The following CTR9 variants were observed in gnomAD, a reference collection of about 807,000 sequenced individuals.
CTR9 encodes the protein CTR9 component of Paf1/RNA polymerase II complex, also known as RNA polymerase-associated protein CTR9 homolog.
In CTR9, 41 loss-of-function variants were observed where a neutral mutation model predicts 152.1. That is an observed-to-expected ratio of 0.27 (90% confidence interval 0.21 to 0.35). CTR9 has a LOEUF of 0.35. CTR9 is among the 10% of genes least tolerant of loss of function. CTR9 has a pLI of 1.00. For missense variants in CTR9, 917 were observed against 1,424.4 expected, an observed-to-expected ratio of 0.64 and a Z score of 5.73; for synonymous variants, 476 against 496.2, an observed-to-expected ratio of 0.96 and a Z score of 0.54.
intron 22 of CTR9, among the ~76,000 whole-genome samples, 190 bp from the exon 23 acceptor site, chr11:10,775,017 G>C (rs1023888897): frequency 6.6e-6 from 1 of 152,142 alleles, no homozygotes; most frequent in South Asian, 2.1e-4. Flanking sequence ...TAAATACATA[G>C]TTTTTACATT....
In CTR9 at chr11:10,775,223, G is replaced by A. The variant is rs1863212830; in HGVS notation, c.2902G>A (p.Glu968Lys). The A allele has an allele frequency of 6.2e-7, 1 of 1,613,830 alleles. No individual in the cohort carries two copies. Among genetic ancestry groups the A allele is most frequent in the East Asian group, 2.2e-5 (1 of 44,850 alleles). The change falls in exon 23 of 25, where the codon GAA (glutamate) becomes AAA (lysine). Residue 968 changes from glutamate to lysine, a missense_variant. Glu to Lys is a moderately conservative substitution (Grantham distance 56). This residue lies in a region of CTR9 where 384 missense variants were observed against 398.4 expected (regional missense o/e 0.96). Coordinates refer to ENST00000361367, the MANE Select transcript of CTR9 (RefSeq NM_014633.5). ...CTATTTAAGACATCCAAAGGGAGAA[G>A]AAGGATCTGATGATGATGAAACAGA... The part of the protein sequence containing the change: ...KKRRRHPKGE[E>K]GSDDDETENG...
At chr11:10,778,608 C>A in intron 24 of CTR9, 71 bp from the exon 25 acceptor site, 1 of 1,420,554 alleles carries the variant, frequency 7.0e-7, no homozygotes, top group Non-Finnish European at 9.6e-7. Flanking sequence ...GTTTTAAAAG[C>A]ACATTGTCTG....
At position 10,775,231 on chromosome 11, in the gene CTR9, T is replaced by C; in HGVS notation, c.2910T>C (p.Ser970=). Residue 970 remains serine (S), a synonymous_variant, in exon 23 of 25, where the codon TCT becomes TCC. Coordinates refer to ENST00000361367, the MANE Select transcript of CTR9 (RefSeq NM_014633.5). ...RRRHPKGEEG[S]DDDETENGPK... ...GACATCCAAAGGGAGAAGAAGGATC[T>C]GATGATGATGAAACAGAAAATGGCC... The C allele has an allele frequency of 6.2e-7, 1 of 1,613,770 alleles. No individual in the cohort carries two copies. The highest frequency in any genetic ancestry group is 8.5e-7 in the Non-Finnish European group (1 of 1,179,822).
Position 10,760,227 on chromosome 11 carries a change from A to G in CTR9, c.647A>G (p.Lys216Arg). Residue 216 changes from lysine (K) to arginine (R), a missense_variant, in exon 6 of 25, where the codon AAA becomes AGA. Lys to Arg is a conservative substitution (Grantham distance 26). Around this residue, in one of 9 missense-constraint regions of CTR9, gnomAD observed 110 missense variants for 149.5 expected, o/e 0.74. Transcript: ENST00000361367. ...TTTGTGAAACTTAACAAACTGGAAA[A>G]AGCTCGTCTGGCATTCAGCAGAGCC... The part of the protein sequence containing the change: ...HCFVKLNKLE[K>R]ARLAFSRALE... 3 of 1,614,106 alleles carry G rather than the reference A, an allele frequency of 1.9e-6. 1 individual carries two copies. Among genetic ancestry groups the G allele is most frequent in the South Asian group, 1.1e-5 (1 of 91,076 alleles).
At chr11:10,775,479 T>C in intron 23 of CTR9, 42 bp from the exon 24 acceptor site, 2 of 1,529,696 alleles carry the variant, frequency 1.3e-6, no homozygotes, top group Non-Finnish European at 1.8e-6. Context: ...GATGGCCTAA[T>C]GTAAGAGTCT....
chr11:10,772,184 C>T (rs1034522758), intron 19 of CTR9, among the ~76,000 whole-genome samples: 4 of 151,846 alleles, frequency 2.6e-5, no homozygotes, highest in Admixed American at 2.0e-4. Flanking sequence ...GGAGAAACTC[C>T]GTCTCTACTA....
At chr11:10,773,695 T>C (rs1337496338) in intron 21 of CTR9, among the ~76,000 whole-genome samples, 2 of 151,860 alleles carry the variant, frequency 1.3e-5, no homozygotes, top group African/African-American at 4.8e-5. Flanking sequence ...TGAGACCAGT[T>C]TGGCCAACAT....
At chr11:10,766,575 C>A (rs1255983343) in intron 13 of CTR9, 85 bp downstream of exon 13, 1 of 919,844 alleles carries the variant, frequency 1.1e-6, no homozygotes. Context: ...TTAATGGCTA[C>A]ATCTTCCTGG....
Position 10,756,851 on chromosome 11 carries a change from T to C in CTR9, c.592+13T>C. The C allele has an allele frequency of 7.7e-6, 12 of 1,555,536 alleles. No homozygotes were observed. Among genetic ancestry groups the C allele is most frequent in the South Asian group, 1.1e-5 (1 of 89,318 alleles). On this transcript the variant is annotated intron_variant, in intron 5 of 24. Coordinates refer to ENST00000361367, the MANE Select transcript of CTR9 (RefSeq NM_014633.5). ...CCAGGATGTCCAGGTAAGAGAAAAA[T>C]TTTATTTTATGTCTAAACTGTGTAT...
At chr11:10,765,955 T>C (rs930300589) in intron 12 of CTR9, among the ~76,000 whole-genome samples, 5 of 152,262 alleles carry the variant, frequency 3.3e-5, no homozygotes, top group African/African-American at 4.8e-5. Flanking sequence ...AGCACTTCAC[T>C]ATTAATTAAT....
At position 10,763,865 on chromosome 11, in the gene CTR9, C is replaced by G; in HGVS notation, c.1180C>G (p.Arg394Gly). The G allele has an allele frequency of 6.2e-7, 1 of 1,603,938 alleles. No individual in the cohort carries two copies. The highest frequency in any genetic ancestry group is 8.5e-7 in the Non-Finnish European group (1 of 1,176,402). ...TGCTGCCTCAGAAGATCAAGAAAAACGAGATATTGCCAAGGTACATCTTTT... is the reference window on the plus strand; with the variant it reads ...TGCTGCCTCAGAAGATCAAGAAAAAGGAGATATTGCCAAGGTACATCTTTT... ...LYAASEDQEK[R>G]DIAKGHLKKV... The change falls in exon 9 of 25, where the codon CGA (arginine) becomes GGA (glycine). Residue 394 changes from arginine to glycine, a missense_variant. Arg to Gly is a moderately radical substitution (Grantham distance 125, BLOSUM62 -2). Coordinates refer to ENST00000361367, the MANE Select transcript of CTR9 (RefSeq NM_014633.5).
chr11:10,758,191 T>C (rs183842527), intron 5 of CTR9, among the ~76,000 whole-genome samples: 1 of 152,154 alleles, frequency 6.6e-6, no homozygotes, highest in African/African-American at 2.4e-5. Flanking sequence ...TCGACAGAGA[T>C]GGGAAGCCAT....
At chr11:10,753,368 G>A (rs934405276) in intron 2 of CTR9, among the ~76,000 whole-genome samples, 9 of 151,974 alleles carry the variant, frequency 5.9e-5, no homozygotes, top group African/African-American at 2.2e-4. Flanking sequence ...TCTTTTTATA[G>A]GAATAGGTAA....
chr11:10,771,488 C>CT, intron 18 of CTR9, 57 bp from the exon 19 acceptor site: 1 of 1,288,168 alleles, frequency 7.8e-7, no homozygotes. Flanking sequence ...TTTTTAAGAG[C>CT]TTTATTTCAT....
chr11:10,755,442 G>A (rs541012548), intron 3 of CTR9, among the ~76,000 whole-genome samples: 2 of 152,294 alleles, frequency 1.3e-5, no homozygotes, highest in Admixed American at 6.5e-5. Context: ...TGAATTTCAA[G>A]GATATTTTAA....
At chr11:10,752,956 TG>T (rs1862829050) in intron 2 of CTR9, among the ~76,000 whole-genome samples, 186 bp downstream of exon 2, 1 of 152,216 alleles carries the variant, frequency 6.6e-6, no homozygotes, top group African/African-American at 2.4e-5. Flanking sequence ...GCTGCTCTAC[TG>T]GTGAATTAGT....
rs752405150 is a variant in CTR9 at position 10,751,407 on chromosome 11, C to G, written c.-6C>G. On this transcript the variant is annotated 5_prime_UTR_variant, in exon 1 of 25. Transcript: ENST00000361367. ...GCGAGACACTTGCTCGCCTTTTGAC[C>G]CCATCATGTCGCGGGGCTCCATCGA... is the stretch of plus-strand genomic sequence containing the variant. 21 of 1,613,038 alleles carry G rather than the reference C, an allele frequency of 1.3e-5. No homozygotes were observed. The highest frequency in any genetic ancestry group is 3.4e-6 in the Non-Finnish European group (4 of 1,179,982).
At chr11:10,753,658 C>T (rs955348062) in intron 2 of CTR9, among the ~76,000 whole-genome samples, 1 of 149,050 alleles carries the variant, frequency 6.7e-6, no homozygotes, top group Non-Finnish European at 1.5e-5. Context: ...TTTTTAAAAC[C>T]AGATGGTAAT....
At chr11:10,777,939 A>G (rs1863268153) in intron 24 of CTR9, among the ~76,000 whole-genome samples, 1 of 152,096 alleles carries the variant, frequency 6.6e-6, no homozygotes, top group Admixed American at 6.5e-5. Context: ...TGGTTAAGGG[A>G]ATGTTCTTTC....
Sources: gnomAD v4.1 joint callset for allele counts (sites outside exome capture counted in the v4.1 genomes callset) on GRCh38, gnomAD v4.1.1 for gene constraint, gnomAD v4.1.1 regional missense constraint, MANE v1.5 for transcripts, NCBI Gene and HGNC (gene_info 2026-07-23, HGNC 2026-07-21) for gene names.